The following BRIX1 variants were observed in gnomAD, a reference collection of about 807,000 sequenced individuals.
The protein encoded by BRIX1 is biogenesis of ribosomes BRX1.
A neutral mutation model predicts 44.0 loss-of-function variants in BRIX1; 15 were observed. The ratio of observed to expected loss-of-function variants is 0.34; its 90% CI spans 0.23 to 0.53. BRIX1 has a LOEUF of 0.53. Among genes scored for constraint, BRIX1 ranks in the 20% least tolerant of loss-of-function variants. BRIX1 has a pLI of 0.95. For synonymous variants in BRIX1, 149 were observed against 135.4 expected, an observed-to-expected ratio of 1.10 and a Z score of -0.70; for missense variants, 420 against 432.8, an observed-to-expected ratio of 0.97 and a Z score of 0.26.
intron 1 of BRIX1, chr5:34,916,769 T>G (rs981836179): frequency 1.3e-5 from 2 of 152,224 alleles, no homozygotes; most frequent in Non-Finnish European, 2.9e-5. Context: ...TGGCAAGCTC[T>G]AAGAAAGAAG....
At chr5:34,916,742 G>A (rs1364720654) in intron 1 of BRIX1, 2 of 152,256 alleles carry the variant, frequency 1.3e-5, no homozygotes, top group Admixed American at 1.3e-4. Context: ...ATAAGTAAAT[G>A]ACCCCGTGTG....
intron 1 of BRIX1, among the ~76,000 whole-genome samples, chr5:34,917,174 G>T (rs889337530): frequency 3.3e-5 from 5 of 152,128 alleles, no homozygotes; most frequent in Non-Finnish European, 7.4e-5. Context: ...TTGAAGTAGG[G>T]AAATGCTGAA....
At chr5:34,922,848 A>G in intron 6 of BRIX1, 80 bp downstream of exon 6, 1 of 1,392,610 alleles carries the variant, frequency 7.2e-7, no homozygotes, top group Non-Finnish European at 1.0e-6. Context: ...TGTGTTATTC[A>G]ATTTAGTTTC....
chr5:34,917,133 C>G lies in BRIX1; in HGVS notation c.160-1231C>G, dbSNP rs950158765. On this transcript the variant is annotated intron_variant, in intron 1 of 9. Coordinates refer to ENST00000336767, the MANE Select transcript of BRIX1 (RefSeq NM_018321.4). ...CATTCAAAAAATGAGAGGGAACACT[C>G]CAAGGGAGAAAAAAAAACCGATGAA... Among the ~76,000 whole-genome samples the G allele has an allele frequency of 2.0e-5, 3 of 151,716 alleles. No individual in the cohort carries two copies. The East Asian group carries it at 5.8e-4, about 29-fold the overall frequency.
In BRIX1 at chr5:34,925,436, C is replaced by A. The variant is rs771020026; in HGVS notation, c.1003C>A (p.Arg335=). 6.2e-7 allele frequency: 1 copy of A among 1,613,142 alleles called. No homozygotes were observed. Among genetic ancestry groups the A allele is most frequent in the African/African-American group, 1.3e-5 (1 of 74,796 alleles). ...AGTTGATTTGAAAGCAAGAAAGAAA[C>A]GGATTTACAAAAGGCAAAGAAAAAT... ...PKVDLKARKK[R]IYKRQRKMKQ... The change falls in exon 10 of 10, where the codon CGG becomes AGG. Residue 335 remains arginine (R), a synonymous_variant. Coordinates refer to ENST00000336767, the MANE Select transcript of BRIX1 (RefSeq NM_018321.4).
intron 2 of BRIX1, chr5:34,918,792 G>A: frequency 4.9e-6 from 1 of 205,506 alleles, no homozygotes; most frequent in Non-Finnish European, 9.4e-6. Context: ...AAGTGCTAAG[G>A]ACTGCCACAT....
At chr5:34,922,322 T>G in intron 4 of BRIX1, 35 bp downstream of exon 4, 1 of 1,288,182 alleles carries the variant, frequency 7.8e-7, no homozygotes, top group Non-Finnish European at 1.1e-6. Context: ...GTTAAACTCA[T>G]TTAAGTGGAT....
At chr5:34,918,801 A>G (rs1004337989) in intron 2 of BRIX1, 3 of 185,562 alleles carry the variant, frequency 1.6e-5, no homozygotes, top group African/African-American at 2.4e-5. Flanking sequence ...GGACTGCCAC[A>G]TGTTGCTTTT....
At chr5:34,925,124 C>T in intron 9 of BRIX1, 102 bp from the exon 10 acceptor site, 1 of 1,438,262 alleles carries the variant, frequency 7.0e-7, no homozygotes, top group Non-Finnish European at 9.2e-7. Flanking sequence ...TTTTTCATGA[C>T]ACTGGCTGAA....
At chr5:34,922,799 A>C in intron 6 of BRIX1, 31 bp downstream of exon 6, 5 of 1,578,760 alleles carry the variant, frequency 3.2e-6, no homozygotes, top group Non-Finnish European at 4.3e-6. Flanking sequence ...ATGAGGTCTA[A>C]TTTTCTTATC....
chr5:34,925,112 C>T (rs2111989885), intron 9 of BRIX1, 114 bp from the exon 10 acceptor site: 2 of 1,441,654 alleles, frequency 1.4e-6, no homozygotes, highest in Non-Finnish European at 9.2e-7. Flanking sequence ...AAATTACTCC[C>T]TTTTTTCATG....
At chr5:34,920,972 C>T (rs1340652185) in intron 3 of BRIX1, 1 of 152,152 alleles carries the variant, frequency 6.6e-6, no homozygotes, top group Non-Finnish European at 1.5e-5. Context: ...TTAAGCAATT[C>T]TCCTGCCTCA....
At chr5:34,918,524 ATT>A in intron 2 of BRIX1, 49 bp downstream of exon 2, 1 of 1,051,080 alleles carries the variant, frequency 9.5e-7, no homozygotes, top group Non-Finnish European at 1.4e-6. Flanking sequence ...AAACTTACCT[ATT>A]TTTATGTTTT....
chr5:34,916,097 G>A (rs1764076719), intron 1 of BRIX1, 200 bp downstream of exon 1: 1 of 565,442 alleles, frequency 1.8e-6, no homozygotes, highest in Non-Finnish European at 2.8e-6. Context: ...TCCTGGAGGC[G>A]GCGGGTTTTA....
Position 34,917,241 on chromosome 5 carries a change from G to A in BRIX1, c.160-1123G>A, listed in dbSNP as rs951816374. ...ATTAGGCTTCATTTGGGGCAATAAT[G>A]ATGTAGACGTGAAAATCTATTTTAA... On this transcript the variant is annotated intron_variant, in intron 1 of 9. Coordinates refer to ENST00000336767, the MANE Select transcript of BRIX1 (RefSeq NM_018321.4). 5.9e-5 allele frequency among the ~76,000 whole-genome samples: 9 copies of A among 152,302 alleles called. No homozygotes were observed. The South Asian group carries it at 1.7e-3, about 28-fold the overall frequency.
chr5:34,925,739 C>G lies in BRIX1; in HGVS notation c.*244C>G. ...AAAAATGTAGCACACTTAATGTAGCCTGTTCTCTTGGGTTGGAATTTTTGG... is the reference window on the plus strand; with the variant it reads ...AAAAATGTAGCACACTTAATGTAGCGTGTTCTCTTGGGTTGGAATTTTTGG... On this transcript the variant is annotated 3_prime_UTR_variant, in exon 10 of 10. Coordinates refer to ENST00000336767, the MANE Select transcript of BRIX1 (RefSeq NM_018321.4). 2.6e-6 allele frequency: 1 copy of G among 385,592 alleles called. No individual in the cohort carries two copies. Among genetic ancestry groups the G allele is most frequent in the South Asian group, 4.9e-5 (1 of 20,518 alleles). The allele number at this position is 385,592 out of a possible 1,614,324, so 23.9% of individuals were successfully genotyped here. A position where few individuals can be genotyped will look rare whatever the true frequency, so the allele number is the denominator to read the frequency against.
chr5:34,915,947 C>T (rs754736177), intron 1 of BRIX1, 50 bp downstream of exon 1: 4 of 1,487,992 alleles, frequency 2.7e-6, no homozygotes, highest in African/African-American at 2.8e-5. Flanking sequence ...CTCTGTGCGC[C>T]TTTTCTTGGG....
At position 34,915,874 on chromosome 5, in the gene BRIX1, C is replaced by T; in HGVS notation, c.136C>T (p.Arg46Trp). The T allele has an allele frequency of 6.4e-7, 1 of 1,559,670 alleles. No homozygotes were observed. Among genetic ancestry groups the T allele is most frequent in the Non-Finnish European group, 8.7e-7 (1 of 1,151,788 alleles). Residue 46 changes from arginine to tryptophan, a missense_variant, in exon 1 of 10, where the codon CGG (arginine) becomes TGG (tryptophan). Coordinates refer to ENST00000336767, the MANE Select transcript of BRIX1 (RefSeq NM_018321.4). ...AEEVEEEERD[R>W]IPGPVCKGKW... ...GGAGGTGGAGGAAGAAGAGAGGGAC[C>T]GGATCCCAGGCCCCGTTTGCAAGGT...
rs1194303600 is a variant in BRIX1 at position 34,925,357 on chromosome 5, A to C, written c.924A>C (p.Val308=). 1 of 1,614,082 alleles carries C rather than the reference A, an allele frequency of 6.2e-7. No individual in the cohort carries two copies. Among genetic ancestry groups the C allele is most frequent in the Non-Finnish European group, 8.5e-7 (1 of 1,179,998 alleles). ...ATGATCCCACTGCAGATGTTTTTGT[A>C]ACACCAGCTGAGGAGAAACCAATAG... ...LPHDPTADVF[V]TPAEEKPIEI... is the part of the protein sequence containing the mutation. Residue 308 remains valine, a synonymous_variant, in exon 10 of 10, where the codon GTA becomes GTC. Transcript: ENST00000336767.
Sources: gnomAD v4.1 joint callset for allele counts (sites outside exome capture counted in the v4.1 genomes callset) on GRCh38, gnomAD v4.1.1 for gene constraint, MANE v1.5 for transcripts, NCBI Gene and HGNC (gene_info 2026-07-23, HGNC 2026-07-21) for gene names.